SPOCK3: variants seen among roughly 807,000 people sequenced by gnomAD.
SPOCK3 encodes testican-3.
A neutral mutation model predicts 56.6 loss-of-function variants in SPOCK3; 30 were observed. The observed-to-expected ratio is 0.53, with a 90% CI of 0.40 to 0.72. The LOEUF is 0.72. SPOCK3 is among the 30% of genes least tolerant of loss of function. The probability of loss-of-function intolerance (pLI) is 0.00; values close to 1 mark genes in which losing one functional copy is unlikely to be tolerated. For synonymous variants in SPOCK3, 196 were observed against 183.3 expected (o/e 1.07, Z -0.56); for missense variants, 527 against 530.0 (o/e 0.99, Z 0.06).
chr4:166,901,031 G>A (rs1735994181), intron 5 of SPOCK3, among the ~76,000 whole-genome samples: 1 of 152,128 alleles, frequency 6.6e-6, no homozygotes, highest in Non-Finnish European at 1.5e-5. Flanking sequence ...ACTGCGTGCT[G>A]TGTCTGACTT....
Position 167,133,658 on chromosome 4 carries a change from G to A in SPOCK3, c.190-71121C>T, listed in dbSNP as rs146246109. Among the ~76,000 whole-genome samples the A allele has an allele frequency of 7.7e-3, 1,167 of 152,228 alleles. 53 individuals are homozygous for A. Among genetic ancestry groups the A allele is most frequent in the Admixed American group, 0.068 (1,040 of 15,288 alleles). ...ACACGAGTTATCTTACTTAACTTGG[G>A]TTTAATTCTAACATAATTAGTAATT... is the stretch of plus-strand genomic sequence containing the variant. On this transcript the variant is annotated intron_variant, in intron 2 of 10. Coordinates refer to ENST00000357545, the MANE Select transcript of SPOCK3 (RefSeq NM_001040159.2).
intron 2 of SPOCK3, among the ~76,000 whole-genome samples, chr4:167,127,172 G>A (rs765868592): frequency 1.5e-4 from 23 of 152,114 alleles, no homozygotes; most frequent in Non-Finnish European, 2.2e-4. Flanking sequence ...ATGAACAATA[G>A]TAGTAAGATT....
intron 4 of SPOCK3, among the ~76,000 whole-genome samples, chr4:166,979,139 C>T (rs1449976865): frequency 6.6e-6 from 1 of 152,162 alleles, no homozygotes; most frequent in Non-Finnish European, 1.5e-5. Flanking sequence ...AATTTAAGAG[C>T]CGCAGATTCA....
At chr4:166,893,505 A>T (rs1035976372) in intron 5 of SPOCK3, among the ~76,000 whole-genome samples, 4 of 152,108 alleles carry the variant, frequency 2.6e-5, no homozygotes, top group Non-Finnish European at 5.9e-5. Context: ...TAGATGTATT[A>T]TTCTTTTGAT....
chr4:166,984,813 T>C (rs1746965620), intron 4 of SPOCK3, among the ~76,000 whole-genome samples: 1 of 152,258 alleles, frequency 6.6e-6, no homozygotes, highest in East Asian at 1.9e-4. Context: ...GAAATGTATA[T>C]ACAGTATCCA....
At chr4:167,149,561 T>C (rs186017469) in intron 2 of SPOCK3, among the ~76,000 whole-genome samples, 10 of 152,180 alleles carry the variant, frequency 6.6e-5, no homozygotes, top group Non-Finnish European at 1.0e-4. Flanking sequence ...AATTTCATAA[T>C]TTTACACTGT....
intron 4 of SPOCK3, among the ~76,000 whole-genome samples, chr4:166,963,583 G>T (rs868837427): frequency 6.6e-6 from 1 of 151,798 alleles, no homozygotes; most frequent in Non-Finnish European, 1.5e-5. Context: ...AGCACCAGGG[G>T]ATGATACTGA....
intron 4 of SPOCK3, among the ~76,000 whole-genome samples, chr4:166,913,778 GTCTCTCTC>G (rs140957483): frequency 2.7e-5 from 4 of 149,402 alleles, no homozygotes; most frequent in East Asian, 2.0e-4. Flanking sequence ...ATTATTTTCT[GTCTCTCTC>G]TCTCTCTCTC....
At chr4:166,735,277 A>G (rs1444239973) in intron 10 of SPOCK3, among the ~76,000 whole-genome samples, 187 bp from the exon 11 acceptor site, 1 of 152,080 alleles carries the variant, frequency 6.6e-6, no homozygotes, top group Non-Finnish European at 1.5e-5. Flanking sequence ...ATCATTTGTT[A>G]AAATGTATGT....
At chr4:167,205,575 A>ATAATATATATTATAT (rs1261178646) in intron 2 of SPOCK3, among the ~76,000 whole-genome samples, 1 of 86,218 alleles carries the variant, frequency 1.2e-5, no homozygotes, top group Non-Finnish European at 2.1e-5. Flanking sequence ...TTATATATAT[A>ATAATATATATTATAT]ATATAATATA....
intron 4 of SPOCK3, among the ~76,000 whole-genome samples, chr4:166,940,804 G>A (rs961785520): frequency 1.0e-4 from 15 of 143,336 alleles, no homozygotes; most frequent in African/African-American, 2.6e-4. Flanking sequence ...AGCACTAGTT[G>A]CTACTACTAG....
intron 3 of SPOCK3, among the ~76,000 whole-genome samples, chr4:167,029,263 G>T (rs1752030647): frequency 6.6e-6 from 1 of 150,810 alleles, no homozygotes; most frequent in Admixed American, 6.6e-5. Flanking sequence ...AGTCACTATT[G>T]ATTTTTAACA....
At chr4:166,999,149 T>C (rs1184650530) in intron 4 of SPOCK3, among the ~76,000 whole-genome samples, 1 of 152,280 alleles carries the variant, frequency 6.6e-6, no homozygotes, top group East Asian at 1.9e-4. Context: ...AAACTGTTGT[T>C]TTCTTTCTCC....
At chr4:166,796,161 T>A (rs1741915587) in intron 6 of SPOCK3, among the ~76,000 whole-genome samples, 1 of 152,178 alleles carries the variant, frequency 6.6e-6, no homozygotes, top group Non-Finnish European at 1.5e-5. Context: ...AGAAATAATT[T>A]CTGTTGTTTA....
intron 7 of SPOCK3, among the ~76,000 whole-genome samples, chr4:166,788,520 T>C (rs181427015): frequency 8.0e-4 from 122 of 152,046 alleles, no homozygotes; most frequent in African/African-American, 2.8e-3. Context: ...AATAAACATG[T>C]TCATTCTTGC....
At chr4:166,992,256 C>T (rs577910411) in intron 4 of SPOCK3, among the ~76,000 whole-genome samples, 1 of 152,142 alleles carries the variant, frequency 6.6e-6, no homozygotes, top group East Asian at 1.9e-4. Context: ...CAAATCTGTA[C>T]TCCTTTCCAT....
At chr4:166,963,140 A>G (rs1298577983) in intron 4 of SPOCK3, among the ~76,000 whole-genome samples, 1 of 151,970 alleles carries the variant, frequency 6.6e-6, no homozygotes, top group Non-Finnish European at 1.5e-5. Flanking sequence ...CTTCAGCTCT[A>G]CTATTTCTGT....
At chr4:166,753,153 T>G (rs1490029289) in intron 8 of SPOCK3, among the ~76,000 whole-genome samples, 1 of 89,686 alleles carries the variant, frequency 1.1e-5, no homozygotes, top group Non-Finnish European at 2.4e-5. Flanking sequence ...ATTTTAAATG[T>G]TTGTGTATAG....
chr4:166,954,299 T>C (rs553536616), intron 4 of SPOCK3, among the ~76,000 whole-genome samples: 2 of 152,314 alleles, frequency 1.3e-5, no homozygotes, highest in South Asian at 2.1e-4. Context: ...CAGAAGCTTA[T>C]AGTTTGATAT....
Sources: gnomAD v4.1 joint callset for allele counts (sites outside exome capture counted in the v4.1 genomes callset) on GRCh38, gnomAD v4.1.1 for gene constraint, MANE v1.5 for transcripts, NCBI Gene and HGNC (gene_info 2026-07-23, HGNC 2026-07-21) for gene names.